TDRD9: variants seen among roughly 807,000 people sequenced by gnomAD.
The protein encoded by TDRD9 is ATP-dependent RNA helicase TDRD9.
A neutral mutation model predicts 172.6 loss-of-function variants in TDRD9; 124 were observed. The observed-to-expected ratio is 0.72, with a 90% CI of 0.62 to 0.83. The LOEUF (loss-of-function observed/expected upper bound fraction) is 0.83, where lower values mean the gene tolerates loss of function less well. Ranked by LOEUF, TDRD9 falls within the 40% of genes least tolerant of loss-of-function variation. The probability of loss-of-function intolerance (pLI) is 0.00; values close to 1 mark genes in which losing one functional copy is unlikely to be tolerated. For missense variants in TDRD9, 1,479 were observed against 1,714.1 expected, an observed-to-expected ratio of 0.86 and a Z score of 2.42; for synonymous variants, 619 against 617.1, an observed-to-expected ratio of 1.00 and a Z score of -0.05.
intron 2 of TDRD9, among the ~76,000 whole-genome samples, chr14:103,962,112 A>G (rs1301928035): frequency 6.6e-6 from 1 of 152,224 alleles, no homozygotes; most frequent in Non-Finnish European, 1.5e-5. Flanking sequence ...AGAGCAGGGC[A>G]TGTTTTTACA....
At chr14:103,939,461 T>A (rs1405606869) in intron 1 of TDRD9, among the ~76,000 whole-genome samples, 1 of 152,142 alleles carries the variant, frequency 6.6e-6, no homozygotes, top group Non-Finnish European at 1.5e-5. Flanking sequence ...AATCTTACAG[T>A]GACTGAAGAA....
chr14:103,928,918 C>G, intron 1 of TDRD9, 194 bp downstream of exon 1: 1 of 207,292 alleles, frequency 4.8e-6, no homozygotes, highest in East Asian at 9.7e-5. Flanking sequence ...GGAAGCTGAG[C>G]TAGAGGTTTT....
At position 104,051,975 on chromosome 14, in the gene TDRD9, C is replaced by T; in HGVS notation, c.4048-6C>T. On this transcript the variant is annotated splice_polypyrimidine_tract_variant and splice_region_variant and intron_variant, in intron 35 of 35. Transcript: ENST00000409874. Reference sequence around the variant, plus strand: ...GCCTGACTGGTCCGCTTGTCTACCCCATTAGGTTGATCCAAAGCTGGTCAT... The same window carrying T: ...GCCTGACTGGTCCGCTTGTCTACCCTATTAGGTTGATCCAAAGCTGGTCAT... 4.4e-6 allele frequency: 7 copies of T among 1,582,580 alleles called. No homozygotes were observed. The highest frequency in any genetic ancestry group is 6.0e-6 in the Non-Finnish European group (7 of 1,163,296).
At chr14:104,042,013 A>G (rs978243768) in intron 33 of TDRD9, 56 bp from the exon 34 acceptor site, 3 of 1,141,406 alleles carry the variant, frequency 2.6e-6, no homozygotes, top group Non-Finnish European at 2.7e-6. Flanking sequence ...CTCTAACGGG[A>G]TGAAATTCAG....
intron 19 of TDRD9, 33 bp from the exon 20 acceptor site, chr14:104,008,380 A>C: frequency 8.2e-7 from 1 of 1,214,980 alleles, no homozygotes; most frequent in Non-Finnish European, 1.2e-6. Flanking sequence ...TTATTACCTT[A>C]ATATTGAGTA....
chr14:104,034,083 C>G lies in TDRD9; in HGVS notation c.3619+14C>G. ...TCAATGCGACTGGTAATTTAAAGATCCTGTTTATTCCTTGTCCTCTCTTTT... is the reference window on the plus strand; with the variant it reads ...TCAATGCGACTGGTAATTTAAAGATGCTGTTTATTCCTTGTCCTCTCTTTT... On this transcript the variant is annotated intron_variant, in intron 31 of 35. Transcript: ENST00000409874. 2.0e-6 allele frequency: 3 copies of G among 1,498,090 alleles called. No homozygotes were observed. In the South Asian group the frequency reaches 3.6e-5, roughly 18 times the overall value. 92.8% of individuals were successfully genotyped at this position (1,498,090 alleles called of 1,614,324 possible).
chr14:103,989,489 G>A (rs1166768379), intron 8 of TDRD9, among the ~76,000 whole-genome samples: 1 of 152,236 alleles, frequency 6.6e-6, no homozygotes, highest in Admixed American at 6.5e-5. Flanking sequence ...TAATGGAAGC[G>A]AGAAAGGCAT....
chr14:104,017,152 C>T (rs1021321185), intron 22 of TDRD9, among the ~76,000 whole-genome samples: 25 of 152,076 alleles, frequency 1.6e-4, no homozygotes, highest in African/African-American at 6.0e-4. Context: ...TCGTGGTTTT[C>T]TTCCCTCAGC....
intron 8 of TDRD9, 135 bp from the exon 9 acceptor site, chr14:103,991,025 T>G: frequency 9.8e-7 from 1 of 1,020,124 alleles, no homozygotes; most frequent in Non-Finnish European, 1.4e-6. Flanking sequence ...TGTTTTCTTA[T>G]GTAAAATAAG....
rs529453742 is a variant in TDRD9, at chr14:103,982,499, CCT to C, written c.1012-3713_1012-3712del. 1.9e-3 allele frequency among the ~76,000 whole-genome samples: 287 copies of C among 152,312 alleles called. 1 individual carries two copies. Among genetic ancestry groups the C allele is most frequent in the African/African-American group, 6.7e-3 (280 of 41,578 alleles). On this transcript the variant is annotated intron_variant, in intron 7 of 35. Coordinates refer to ENST00000409874, the MANE Select transcript of TDRD9 (RefSeq NM_153046.3). ...GGCCACTTCGATTCTTGAAACTCAC[CCT>C]CTCTTTGGGTTCTGTGGTGGCATCC... is the stretch of plus-strand genomic sequence containing the variant.
chr14:103,965,869 C>T (rs1048631935), intron 4 of TDRD9, among the ~76,000 whole-genome samples: 92 of 152,086 alleles, frequency 6.0e-4, no homozygotes, highest in African/African-American at 2.1e-3. Context: ...TGCTTGAACC[C>T]GGGAGGCAGA....
chr14:103,988,179 A>AT (rs201857042), intron 8 of TDRD9, among the ~76,000 whole-genome samples: 50,334 of 143,636 alleles, frequency 0.35, 8,483 homozygotes, highest in Middle Eastern at 0.4. Flanking sequence ...TGAGTGGGAT[A>AT]TTTTTTTTTT....
chr14:103,971,278 T>C (rs747673019), intron 6 of TDRD9, among the ~76,000 whole-genome samples: 132 of 150,802 alleles, frequency 8.8e-4, no homozygotes, highest in Non-Finnish European at 1.5e-3. Flanking sequence ...CCACCGCGCC[T>C]GGCCCAGGGC....
chr14:104,043,701 A>T (rs1331029162), intron 34 of TDRD9, among the ~76,000 whole-genome samples: 1 of 152,152 alleles, frequency 6.6e-6, no homozygotes. Context: ...ATCCTGCCTT[A>T]TTATGCCATA....
At chr14:103,941,368 G>A in intron 1 of TDRD9, 1 of 1,482,330 alleles carries the variant, frequency 6.7e-7, no homozygotes, top group Non-Finnish European at 9.0e-7. Context: ...AGCAGTAGCA[G>A]GAATCATAAG....
Position 104,045,074 on chromosome 14 carries a change from C to T in TDRD9, c.3974+2887C>T, listed in dbSNP as rs185675257. 1.4e-3 allele frequency among the ~76,000 whole-genome samples: 218 copies of T among 151,204 alleles called. 1 individual carries two copies. The highest frequency in any genetic ancestry group is 3.4e-3 in the Middle Eastern group (1 of 292). On this transcript the variant is annotated intron_variant, in intron 34 of 35. Transcript: ENST00000409874. ...AGGAGAATTGCTTGAACCCAGGAGG[C>T]GGAGGTTGCAGTGAGCCAAGATCAC...
chr14:103,941,566 A>T (rs17101950), intron 1 of TDRD9: 40,099 of 1,535,048 alleles, frequency 0.026, 692 homozygotes, highest in East Asian at 0.063. Context: ...TCTTGTATTA[A>T]TCTCTCTCGC....
intron 7 of TDRD9, among the ~76,000 whole-genome samples, chr14:103,977,668 T>C (rs990175775): frequency 6.8e-5 from 10 of 148,144 alleles, no homozygotes; most frequent in African/African-American, 2.5e-4. Flanking sequence ...AGCTTGTTAG[T>C]TTGATATAAT....
At chr14:103,930,325 T>C (rs981967491) in intron 1 of TDRD9, among the ~76,000 whole-genome samples, 1 of 152,092 alleles carries the variant, frequency 6.6e-6, no homozygotes, top group African/African-American at 2.4e-5. Flanking sequence ...GTAGCTGGGA[T>C]TACTGGCGTG....
Sources: gnomAD v4.1 joint callset for allele counts (sites outside exome capture counted in the v4.1 genomes callset) on GRCh38, gnomAD v4.1.1 for gene constraint, MANE v1.5 for transcripts, NCBI Gene and HGNC (gene_info 2026-07-23, HGNC 2026-07-21) for gene names.